Variants in TFEC observed in about 807,000 individuals in gnomAD.
TFEC encodes class E basic helix-loop-helix protein 34.
TFEC carries 31 observed loss-of-function variants against 41.6 expected under a neutral mutation model. That is an observed-to-expected ratio of 0.74 (90% confidence interval 0.56 to 1.01). The LOEUF is 1.01. Ranked by LOEUF, TFEC falls within the 50% of genes least tolerant of loss-of-function variation. The probability of loss-of-function intolerance (pLI) is 0.00; values close to 1 mark genes in which losing one functional copy is unlikely to be tolerated. For synonymous variants in TFEC, 143 were observed against 140.6 expected, an observed-to-expected ratio of 1.02 and a Z score of -0.12; for missense variants, 402 against 404.1, an observed-to-expected ratio of 0.99 and a Z score of 0.04.
At chr7:116,028,078 C>G (rs2130880332) in intron 1 of TFEC, among the ~76,000 whole-genome samples, 2 of 152,282 alleles carry the variant, frequency 1.3e-5, no homozygotes, top group South Asian at 4.1e-4. Context: ...GGAGATTCTA[C>G]ATCTCTATCT....
intron 1 of TFEC, among the ~76,000 whole-genome samples, chr7:115,997,856 G>A (rs1794429243): frequency 6.6e-6 from 1 of 151,934 alleles, no homozygotes; most frequent in African/African-American, 2.4e-5. Context: ...TCAAGCAGAA[G>A]AAAGAATTAT....
At chr7:116,110,608 T>C in intron 3 of TFEC, 1 of 886,574 alleles carries the variant, frequency 1.1e-6, no homozygotes, top group Non-Finnish European at 1.5e-6. Flanking sequence ...TCTTGTTTTT[T>C]TCCTTCAATT....
upstream of TFEC, among the ~76,000 whole-genome samples, chr7:116,032,362 A>G (rs1405937658): frequency 2.0e-5 from 3 of 152,154 alleles, no homozygotes; most frequent in Non-Finnish European, 4.4e-5. Context: ...AAATCAATCT[A>G]TTATAAAGAC....
chr7:116,115,061 C>CAGTGG (rs1797950071), intron 1 of TFEC, among the ~76,000 whole-genome samples: 1 of 151,920 alleles, frequency 6.6e-6, no homozygotes, highest in Admixed American at 6.6e-5. Flanking sequence ...GTTAATTAAC[C>CAGTGG]TTCCCTTTTT....
rs1454925497 is a variant in TFEC at position 115,941,851 on chromosome 7, A to G, written c.663+42T>C. 5 of 1,593,064 alleles carry G rather than the reference A, an allele frequency of 3.1e-6. No individual in the cohort carries two copies. The Admixed American group carries it at 5.2e-5, about 17-fold the overall frequency. On this transcript the variant is annotated intron_variant, in intron 7 of 7. Transcript: ENST00000265440. ...GAAGAAAACTGATGACAGCTGAGTC[A>G]TGTGTAAGCTATGTGACTCATGGCT... is the stretch of plus-strand genomic sequence containing the variant.
At chr7:116,074,393 A>G (rs997629348) in intron 3 of TFEC, among the ~76,000 whole-genome samples, 2 of 152,026 alleles carry the variant, frequency 1.3e-5, no homozygotes, top group Non-Finnish European at 2.9e-5. Context: ...ATATATGAAG[A>G]ACTCTTACAA....
At chr7:115,990,950 T>A (rs1279208052) in intron 1 of TFEC, among the ~76,000 whole-genome samples, 1 of 151,750 alleles carries the variant, frequency 6.6e-6, no homozygotes, top group Non-Finnish European at 1.5e-5. Context: ...AAAGTTGAAA[T>A]GAAGGAAAAA....
chr7:115,959,070 G>T (rs1203814432), intron 3 of TFEC, among the ~76,000 whole-genome samples: 2 of 151,774 alleles, frequency 1.3e-5, no homozygotes, highest in African/African-American at 4.8e-5. Context: ...TAATTTTGTA[G>T]ATCAGTAGGC....
At chr7:116,049,558 T>C (rs1796258161) in intron 3 of TFEC, among the ~76,000 whole-genome samples, 1 of 152,112 alleles carries the variant, frequency 6.6e-6, no homozygotes, top group Admixed American at 6.5e-5. Context: ...CTGTCAACAT[T>C]AGACAGATCA....
chr7:116,090,336 G>T (rs1797297055), intron 3 of TFEC, among the ~76,000 whole-genome samples: 1 of 152,134 alleles, frequency 6.6e-6, no homozygotes, highest in South Asian at 2.1e-4. Flanking sequence ...GGGGGCATTT[G>T]GACCTGAGAA....
At chr7:116,094,590 G>A (rs949660667) in intron 3 of TFEC, among the ~76,000 whole-genome samples, 3 of 152,168 alleles carry the variant, frequency 2.0e-5, no homozygotes, top group Non-Finnish European at 4.4e-5. Flanking sequence ...TGAGGCAGGA[G>A]AATTGCTTGA....
At chr7:116,047,596 G>A (rs1049227052) in intron 3 of TFEC, among the ~76,000 whole-genome samples, 3 of 152,186 alleles carry the variant, frequency 2.0e-5, no homozygotes, top group Non-Finnish European at 4.4e-5. Flanking sequence ...TGAACAAAAG[G>A]CAGCAGAAAC....
rs755757276 is a variant in TFEC, at chr7:115,940,795, ACAGT to A, written c.796_799del (p.Thr266CysfsTer14). Reference sequence around the variant, plus strand: ...GAGCTCAGGGCTTGGCCCCTGAGACACAGTCAGTTGTTGGCAATAGTCTACTGAA... The same window carrying A: ...GAGCTCAGGGCTTGGCCCCTGAGACACAGTTGTTGGCAATAGTCTACTGAA... On this transcript the variant is annotated frameshift_variant, in exon 8 of 8. Transcript: ENST00000265440. LOFTEE classifies it high-confidence loss of function. 3.1e-6 allele frequency: 5 copies of A among 1,613,416 alleles called. No homozygotes were observed. Among genetic ancestry groups the A allele is most frequent in the Admixed American group, 1.7e-5 (1 of 59,942 alleles).
rs1488008383 is a variant in TFEC at position 115,937,188 on chromosome 7, G to A, written c.*3363C>T. On this transcript the variant is annotated 3_prime_UTR_variant, in exon 8 of 8. Coordinates refer to ENST00000265440, the MANE Select transcript of TFEC (RefSeq NM_012252.4). ...AAGAATGAAAAACAATAAAATTATTGTATCTTACTTTAAAGGAAGTTTTAT... is the reference window on the plus strand; with the variant it reads ...AAGAATGAAAAACAATAAAATTATTATATCTTACTTTAAAGGAAGTTTTAT... 4 of 151,554 alleles carry A rather than the reference G, an allele frequency of 2.6e-5. No homozygotes were observed. Among genetic ancestry groups the A allele is most frequent in the African/African-American group, 9.7e-5 (4 of 41,434 alleles). The allele number at this position is 151,554 out of a possible 1,614,324, so 9.4% of individuals were successfully genotyped here.
intron 3 of TFEC, among the ~76,000 whole-genome samples, chr7:116,092,846 A>T (rs1248756449): frequency 2.0e-5 from 3 of 152,164 alleles, no homozygotes; most frequent in African/African-American, 7.2e-5. Context: ...TTAGATCTCT[A>T]ATCCTATGTC....
At chr7:116,129,460 C>T (rs1343456468) in intron 1 of TFEC, among the ~76,000 whole-genome samples, 1 of 151,746 alleles carries the variant, frequency 6.6e-6, no homozygotes, top group Non-Finnish European at 1.5e-5. Flanking sequence ...TTAAATGTCA[C>T]TGTGTATTAA....
intron 2 of TFEC, among the ~76,000 whole-genome samples, chr7:115,980,983 G>A (rs1793606395): frequency 6.6e-6 from 1 of 152,004 alleles, no homozygotes; most frequent in Non-Finnish European, 1.5e-5. Context: ...TATTATGGGA[G>A]AAAAATTTGT....
intron 3 of TFEC, among the ~76,000 whole-genome samples, chr7:116,083,663 C>T (rs1797140419): frequency 6.6e-6 from 1 of 151,878 alleles, no homozygotes; most frequent in South Asian, 2.1e-4. Flanking sequence ...AAATGTCATT[C>T]AAATGGGAAA....
intron 3 of TFEC, among the ~76,000 whole-genome samples, chr7:116,055,548 A>G (rs901812254): frequency 6.6e-6 from 1 of 152,034 alleles, no homozygotes; most frequent in Non-Finnish European, 1.5e-5. Context: ...TGTGAAACCT[A>G]TAAATGATAT....
Sources: gnomAD v4.1 joint callset for allele counts (sites outside exome capture counted in the v4.1 genomes callset) on GRCh38, gnomAD v4.1.1 for gene constraint, MANE v1.5 for transcripts, NCBI Gene and HGNC (gene_info 2026-07-23, HGNC 2026-07-21) for gene names.